The following SLC66A2 variants were observed in gnomAD, a reference collection of about 807,000 sequenced individuals.
The protein encoded by SLC66A2 is solute carrier family 66 member 2.
SLC66A2 carries 23 observed loss-of-function variants against 25.5 expected under a neutral mutation model. The observed-to-expected ratio is 0.90, with a 90% CI of 0.65 to 1.28. The LOEUF (loss-of-function observed/expected upper bound fraction) is 1.28. Ranked by LOEUF, SLC66A2 falls within the 50% of genes most tolerant of loss-of-function variation. The pLI, the probability that SLC66A2 is intolerant of heterozygous loss-of-function variation, is 0.00. For synonymous variants in SLC66A2, 193 were observed against 166.5 expected, an observed-to-expected ratio of 1.16 and a Z score of -1.23; for missense variants, 396 against 373.1, an observed-to-expected ratio of 1.06 and a Z score of -0.51.
rs775679883 is a variant in SLC66A2, at chr18:79,919,224, G to A, written c.568C>T (p.Leu190Phe). The A allele has an allele frequency of 6.2e-7, 1 of 1,613,152 alleles. No individual in the cohort carries two copies. Among genetic ancestry groups the A allele is most frequent in the Non-Finnish European group, 8.5e-7 (1 of 1,180,006 alleles). ...LTEAMLGVPQ[L>F]YRNHRHQSTE... is the part of the protein sequence containing the mutation. ...GACTGGTGGCGGTGGTTGCGGTAAA[G>A]CTGGGGCACACCCAGCATGGCTTCG... Residue 190 changes from leucine (L) to phenylalanine (F), a missense_variant, in exon 5 of 6, where the codon CTT (leucine) becomes TTT (phenylalanine). Coordinates refer to ENST00000397778, the MANE Select transcript of SLC66A2 (RefSeq NM_025078.5).
At chr18:79,908,273 C>A (rs191514311) in intron 5 of SLC66A2, among the ~76,000 whole-genome samples, 10 of 152,100 alleles carry the variant, frequency 6.6e-5, no homozygotes, top group African/African-American at 2.4e-4. Context: ...CGCTTTGTTT[C>A]CTTTCATTCG....
Position 79,942,457 on chromosome 18 carries a change from C to A in SLC66A2, c.337+872G>T, listed in dbSNP as rs141415395. ...GAGGTGGGAATCCTCTCCAACAGGACGAAGTAGCGGTCAGGAATAGAAACA... is the reference window on the plus strand; with the variant it reads ...GAGGTGGGAATCCTCTCCAACAGGAAGAAGTAGCGGTCAGGAATAGAAACA... On this transcript the variant is annotated intron_variant, in intron 3 of 5. Transcript: ENST00000397778. 5.7e-3 allele frequency among the ~76,000 whole-genome samples: 875 copies of A among 152,246 alleles called. 7 individuals carry two copies. The highest frequency in any genetic ancestry group is 0.02 in the African/African-American group (812 of 41,530).
rs1568302034 is a variant in SLC66A2 at position 79,916,150 on chromosome 18, G to GCTCCCATACCCACA, written c.608+3033_608+3034insTGTGGGTATGGGAG. 7.2e-4 allele frequency among the ~76,000 whole-genome samples: 37 copies of GCTCCCATACCCACA among 51,048 alleles called. 1 individual carries two copies. The highest frequency in any genetic ancestry group is 2.3e-3 in the East Asian group (2 of 868). The allele number at this position is 51,048 out of a possible 152,430, so 33.5% of individuals were successfully genotyped here. On this transcript the variant is annotated intron_variant, in intron 5 of 5. Transcript: ENST00000397778. ...ATACCCACGGTGCTCCCGTACCCGC[G>GCTCCCATACCCACA]GCGCTCTCGTACCCGCAGTGCTCCC...
chr18:79,910,266 A>C (rs1425314121), intron 5 of SLC66A2, among the ~76,000 whole-genome samples: 1 of 112,610 alleles, frequency 8.9e-6, no homozygotes, highest in Non-Finnish European at 1.8e-5. Flanking sequence ...ACCATCTCAC[A>C]CCAGAGTCCC....
chr18:79,908,915 C>T (rs1273336417), intron 5 of SLC66A2, among the ~76,000 whole-genome samples: 2 of 152,190 alleles, frequency 1.3e-5, no homozygotes, highest in African/African-American at 4.8e-5. Context: ...TTGCTCTTAC[C>T]TGTTAGAGCA....
chr18:79,913,820 C>T (rs1368172139), intron 5 of SLC66A2, among the ~76,000 whole-genome samples: 10 of 152,198 alleles, frequency 6.6e-5, no homozygotes, highest in African/African-American at 2.4e-4. Flanking sequence ...GCCTCCCTCA[C>T]CTAGGGCAGT....
At chr18:79,912,531 CCAGGCCACGTGTCAT>C (rs1426483365) in intron 5 of SLC66A2, among the ~76,000 whole-genome samples, 14 of 151,368 alleles carry the variant, frequency 9.2e-5, no homozygotes, top group Admixed American at 1.3e-4. Context: ...CCACGTGTCA[CCAGGCCACGTGTCAT>C]CAGGCACCAC....
Position 79,919,364 on chromosome 18 carries a change from A to G in SLC66A2, c.428T>C (p.Phe143Ser). The stretch of plus-strand genomic sequence containing the variant: ...CAGGACGCACTGCACGTAGTCCGAG[A>G]AGCTGCTCCACTGCCAGAAGTGGTG... ...DPHHFWQWSS[F>S]SDYVQCVLAF... is the part of the protein sequence containing the mutation. The change falls in exon 5 of 6, where the codon TTC (phenylalanine) becomes TCC (serine). Residue 143 changes from phenylalanine (F) to serine (S), a missense_variant. Phe to Ser is a radical substitution (Grantham distance 155). Transcript: ENST00000397778. 6.2e-7 allele frequency: 1 copy of G among 1,613,214 alleles called. No individual in the cohort carries two copies. The highest frequency in any genetic ancestry group is 1.1e-5 in the South Asian group (1 of 91,084).
In SLC66A2 at chr18:79,940,073, C is replaced by T. The variant is rs1265805264; in HGVS notation, c.337+3256G>A. Among the ~76,000 whole-genome samples the T allele has an allele frequency of 6.6e-6, 1 of 152,126 alleles. No individual in the cohort carries two copies. The highest frequency in any genetic ancestry group is 1.5e-5 in the Non-Finnish European group (1 of 68,026). ...CCATAAAAGAGAACAAGATCGTATC[C>T]TTTAGAGGAGCACAGATGGAGCTGG... On this transcript the variant is annotated intron_variant, in intron 3 of 5. Transcript: ENST00000397778. This position sits in a 1 kb window ranked among gnomAD's most constrained non-coding sequence, Gnocchi z 4.1.
intron 5 of SLC66A2, among the ~76,000 whole-genome samples, chr18:79,910,043 C>T (rs1982812420): frequency 7.0e-6 from 1 of 142,170 alleles, no homozygotes; most frequent in African/African-American, 2.7e-5. Context: ...GACTTCCCCA[C>T]ACCCTCGCCA....
At chr18:79,913,710 G>C (rs1482069299) in intron 5 of SLC66A2, among the ~76,000 whole-genome samples, 2 of 152,152 alleles carry the variant, frequency 1.3e-5, no homozygotes, top group African/African-American at 2.4e-5. Flanking sequence ...AGATCAACTC[G>C]GGAATTCTTG....
intron 3 of SLC66A2, among the ~76,000 whole-genome samples, chr18:79,938,906 G>A (rs1445567615): frequency 5.9e-5 from 9 of 152,172 alleles, no homozygotes; most frequent in South Asian, 4.1e-4. Flanking sequence ...TCGAACTCCC[G>A]ACCTCGTGAT....
chr18:79,903,625 CGT>C lies in SLC66A2; in HGVS notation c.*349_*350del. On this transcript the variant is annotated 3_prime_UTR_variant, in exon 6 of 6. Coordinates refer to ENST00000397778, the MANE Select transcript of SLC66A2 (RefSeq NM_025078.5). The stretch of plus-strand genomic sequence containing the variant: ...GCTTCAAGGTTCGCGGCTGCTGGCC[CGT>C]GTGTCCACCTGGAGCAGGTTCCTGC... 3.2e-6 allele frequency: 1 copy of C among 313,298 alleles called. No individual in the cohort carries two copies. Among genetic ancestry groups the C allele is most frequent in the African/African-American group, 2.2e-5 (1 of 44,846 alleles). The allele number at this position is 313,298 out of a possible 1,614,324, so 19.4% of individuals were successfully genotyped here.
At chr18:79,926,330 T>C (rs1167809849) in intron 4 of SLC66A2, among the ~76,000 whole-genome samples, 1 of 152,120 alleles carries the variant, frequency 6.6e-6, no homozygotes. Context: ...TTTCCTGGGG[T>C]CTGGGTGGGG....
chr18:79,915,068 A>C (rs560742559), intron 5 of SLC66A2, among the ~76,000 whole-genome samples: 140 of 152,276 alleles, frequency 9.2e-4, no homozygotes, highest in African/African-American at 3.4e-3. Flanking sequence ...ACCCTCCCAA[A>C]ACCTTCCCTC....
chr18:79,909,933 A>C (rs1423038877), intron 5 of SLC66A2, among the ~76,000 whole-genome samples: 1 of 128,084 alleles, frequency 7.8e-6, no homozygotes, highest in Non-Finnish European at 1.6e-5. Context: ...CCATCTCACC[A>C]CAGTCCCCAA....
At chr18:79,909,459 C>T (rs1215222095) in intron 5 of SLC66A2, among the ~76,000 whole-genome samples, 1 of 151,670 alleles carries the variant, frequency 6.6e-6, no homozygotes, top group Non-Finnish European at 1.5e-5. Flanking sequence ...ACCTTCCCCA[C>T]AACCTCACCA....
rs200211005 is a variant in SLC66A2, at chr18:79,904,183, G to A, written c.609C>T (p.Ser203=). 2.3e-4 allele frequency: 375 copies of A among 1,612,682 alleles called. 1 individual carries two copies. The highest frequency in any genetic ancestry group is 2.5e-4 in the Non-Finnish European group (298 of 1,179,654). ...NHRHQSTEGM[S]IKMVLMWTSG... is the part of the protein sequence containing the mutation. Reference sequence around the variant, plus strand: ...TGGTCCACATGAGCACCATCTTGATGCTGTGGAGACACAAGCAGGCGGTCA... The same window carrying A: ...TGGTCCACATGAGCACCATCTTGATACTGTGGAGACACAAGCAGGCGGTCA... Residue 203 remains serine (S), a splice_region_variant and synonymous_variant, in exon 6 of 6, where the codon AGC becomes AGT. Coordinates refer to ENST00000397778, the MANE Select transcript of SLC66A2 (RefSeq NM_025078.5). This position sits in a 1 kb window ranked among gnomAD's most constrained non-coding sequence, Gnocchi z 6.3.
intron 2 of SLC66A2, among the ~76,000 whole-genome samples, chr18:79,947,781 C>CA (rs2050981927): frequency 6.6e-6 from 1 of 151,886 alleles, no homozygotes; most frequent in Admixed American, 6.6e-5. Flanking sequence ...ACCATGAAAT[C>CA]AAAGAGGCTG....
Sources: allele counts gnomAD v4.1 joint callset (sites outside exome capture counted in the v4.1 genomes callset), GRCh38; gene constraint gnomAD v4.1.1; non-coding constraint Gnocchi (gnomAD v3.1); transcripts MANE v1.5; gene names NCBI Gene and HGNC (gene_info 2026-07-23, HGNC 2026-07-21).